PLEKHA8: variants seen among roughly 807,000 people sequenced by gnomAD.
PLEKHA8 encodes pleckstrin homology domain-containing family A member 8.
Under a neutral mutation model 68.2 loss-of-function variants are expected in PLEKHA8, and 36 were observed. The ratio of observed to expected loss-of-function variants is 0.53; its 90% confidence interval spans 0.40 to 0.70. The LOEUF (loss-of-function observed/expected upper bound fraction) is 0.70. Among genes scored for constraint, PLEKHA8 ranks in the 30% least tolerant of loss-of-function variants. The pLI, the probability that PLEKHA8 is intolerant of heterozygous loss-of-function variation, is 0.00. For synonymous variants in PLEKHA8, 211 were observed against 216.1 expected, an observed-to-expected ratio of 0.98 and a Z score of 0.20; for missense variants, 505 against 615.4, an observed-to-expected ratio of 0.82 and a Z score of 1.90.
rs1229952492 is a variant in PLEKHA8 at position 30,046,276 on chromosome 7, C to T, written c.224C>T (p.Ala75Val). ...IPGEQYFYLKARSVAERQRWL... is the reference protein window; with the variant it reads ...IPGEQYFYLKVRSVAERQRWL... ...GGGGAACAGTATTTCTACCTGAAGGCCAGAAGTGTGGCTGAAAGACAGCGG... is the reference window on the plus strand; with the variant it reads ...GGGGAACAGTATTTCTACCTGAAGGTCAGAAGTGTGGCTGAAAGACAGCGG... Residue 75 changes from alanine to valine, a missense_variant, in exon 3 of 14, where the codon GCC (alanine) becomes GTC (valine). Coordinates refer to ENST00000449726, the MANE Select transcript of PLEKHA8 (RefSeq NM_001197026.2). 1 of 1,613,926 alleles carries T rather than the reference C, an allele frequency of 6.2e-7. No individual in the cohort carries two copies. The highest frequency in any genetic ancestry group is 2.2e-5 in the East Asian group (1 of 44,874).
At chr7:30,116,130 A>G (rs544316848) in intron 13 of PLEKHA8, 3 of 151,158 alleles carry the variant, frequency 2.0e-5, no homozygotes, top group Non-Finnish European at 3.0e-5. Flanking sequence ...ACATGTGTAT[A>G]CATATGTATA....
intron 1 of PLEKHA8, among the ~76,000 whole-genome samples, chr7:30,040,665 A>G (rs1273363432): frequency 1.3e-5 from 2 of 152,248 alleles, no homozygotes; most frequent in Non-Finnish European, 2.9e-5. Flanking sequence ...CTGGATTGCC[A>G]AAAATAAATG....
rs141503447 is a variant in PLEKHA8, at chr7:30,082,305, A to C, written c.*3518A>C. ...ACTGAAAATTGCCAGCAGTACCGCCATCAGCACACCAAATCTACCCCCACT... is the reference window on the plus strand; with the variant it reads ...ACTGAAAATTGCCAGCAGTACCGCCCTCAGCACACCAAATCTACCCCCACT... On this transcript the variant is annotated 3_prime_UTR_variant, in exon 14 of 14. Transcript: ENST00000449726. The C allele has an allele frequency of 8.9e-3, 8,779 of 985,578 alleles. 50 individuals carry two copies. Among genetic ancestry groups the C allele is most frequent in the Middle Eastern group, 0.025 (47 of 1,916 alleles). The allele number at this position is 985,578 out of a possible 1,614,324, so 61.1% of individuals were successfully genotyped here. A position where few individuals can be genotyped will look rare whatever the true frequency, so the allele number is the denominator to read the frequency against.
Position 30,080,614 on chromosome 7 carries a change from G to A in PLEKHA8, c.*1827G>A. ...TATTTTGCCCACATAAAGACTTCTG[G>A]AAAATACTTAAACTTGAAAAATCAA... On this transcript the variant is annotated 3_prime_UTR_variant, in exon 14 of 14. Coordinates refer to ENST00000449726, the MANE Select transcript of PLEKHA8 (RefSeq NM_001197026.2). The A allele has an allele frequency of 1.0e-6, 1 of 985,260 alleles. No individual in the cohort carries two copies. Among genetic ancestry groups the A allele is most frequent in the Non-Finnish European group, 1.2e-6 (1 of 829,874 alleles). 61.0% of individuals were successfully genotyped at this position (985,260 alleles called of 1,614,324 possible).
At chr7:30,030,518 AAAGT>A (rs1221477468) in intron 1 of PLEKHA8, among the ~76,000 whole-genome samples, 1 of 152,092 alleles carries the variant, frequency 6.6e-6, no homozygotes, top group African/African-American at 2.4e-5. Flanking sequence ...TTTTCTTCCC[AAAGT>A]AAGAGAAGTT....
At chr7:30,092,000 G>A (rs1482451718), downstream of PLEKHA8, among the ~76,000 whole-genome samples, 2 of 152,152 alleles carry the variant, frequency 1.3e-5, no homozygotes, top group Non-Finnish European at 2.9e-5. Flanking sequence ...ATAGAAGCCC[G>A]TGGAAGCCCT....
chr7:30,118,799 G>T (rs1371238910), intron 13 of PLEKHA8, among the ~76,000 whole-genome samples: 3 of 151,752 alleles, frequency 2.0e-5, no homozygotes, highest in Non-Finnish European at 2.9e-5. Flanking sequence ...GGATGATCTC[G>T]ATCTCCAGAC....
At chr7:30,069,568 T>C (rs985089484) in intron 12 of PLEKHA8, 4 of 152,260 alleles carry the variant, frequency 2.6e-5, no homozygotes, top group Admixed American at 2.0e-4. Flanking sequence ...ATAGCAAGTT[T>C]CTGAGTTACT....
chr7:30,097,385 T>C (rs1795661117), intron 13 of PLEKHA8, among the ~76,000 whole-genome samples: 1 of 152,230 alleles, frequency 6.6e-6, no homozygotes, highest in East Asian at 1.9e-4. Flanking sequence ...CCTTGCTAGA[T>C]TGGGGAAGTT....
At chr7:30,122,873 A>G (rs1162310906) in intron 13 of PLEKHA8, among the ~76,000 whole-genome samples, 3 of 152,134 alleles carry the variant, frequency 2.0e-5, no homozygotes, top group Admixed American at 2.0e-4. Context: ...GAGACAAAGA[A>G]GAGGAGGGGT....
Position 30,113,726 on chromosome 7 carries a change from C to T in PLEKHA8, c.1363-15540C>T, listed in dbSNP as rs895339015. Among the ~76,000 whole-genome samples, 3 of 152,114 alleles carry T rather than the reference C, an allele frequency of 2.0e-5. No individual in the cohort carries two copies. The South Asian group carries it at 6.2e-4, about 32-fold the overall frequency. ...TTGGACTATCTCATTCCTTAGGCCT[C>T]ATAACCTCCTTTTAACATTTTCCAT... On this transcript the variant is annotated intron_variant, in intron 13 of 13. Transcript: ENST00000396257.
At chr7:30,099,514 C>T (rs1191589332) in intron 13 of PLEKHA8, among the ~76,000 whole-genome samples, 1 of 152,208 alleles carries the variant, frequency 6.6e-6, no homozygotes, top group African/African-American at 2.4e-5. Context: ...CAGTGAAGTT[C>T]ATGTATAATG....
At chr7:30,107,490 G>T (rs528735756) in intron 13 of PLEKHA8, among the ~76,000 whole-genome samples, 1 of 151,868 alleles carries the variant, frequency 6.6e-6, no homozygotes, top group South Asian at 2.1e-4. Context: ...GTAGTTTATA[G>T]GTTCCTTTGT....
intron 12 of PLEKHA8, among the ~76,000 whole-genome samples, chr7:30,089,874 CAAAT>C (rs1041105624): frequency 4.6e-5 from 7 of 151,936 alleles, no homozygotes; most frequent in African/African-American, 1.7e-4. Flanking sequence ...TAATATAGAA[CAAAT>C]AAATATATTC....
chr7:30,056,536 C>T (rs1353467258), intron 9 of PLEKHA8, among the ~76,000 whole-genome samples: 2 of 148,150 alleles, frequency 1.3e-5, no homozygotes, highest in African/African-American at 4.9e-5. Context: ...TGAGACCAGC[C>T]TGGCCAACAT....
chr7:30,083,168 T>C lies in PLEKHA8; in HGVS notation c.*4381T>C. 1 of 983,464 alleles carries C rather than the reference T, an allele frequency of 1.0e-6. No homozygotes were observed. Among genetic ancestry groups the C allele is most frequent in the African/African-American group, 1.7e-5 (1 of 57,278 alleles). The allele number at this position is 983,464 out of a possible 1,614,324, so 60.9% of individuals were successfully genotyped here. On this transcript the variant is annotated 3_prime_UTR_variant, in exon 14 of 14. Coordinates refer to ENST00000449726, the MANE Select transcript of PLEKHA8 (RefSeq NM_001197026.2). ...TAGAGGGCCTGACTTCAGATACTCTTTGTGATCTTGTAAGGGCTCTACACA... is the reference window on the plus strand; with the variant it reads ...TAGAGGGCCTGACTTCAGATACTCTCTGTGATCTTGTAAGGGCTCTACACA...
At chr7:30,060,488 CTT>C (rs1793354469) in intron 9 of PLEKHA8, among the ~76,000 whole-genome samples, 1 of 152,100 alleles carries the variant, frequency 6.6e-6, no homozygotes, top group Non-Finnish European at 1.5e-5. Flanking sequence ...TTTGCAATCT[CTT>C]TTTCATACTC....
At chr7:30,123,701 T>G (rs775333863) in intron 13 of PLEKHA8, among the ~76,000 whole-genome samples, 9 of 152,168 alleles carry the variant, frequency 5.9e-5, no homozygotes, top group Admixed American at 6.5e-5. Context: ...CTTTTCAGCA[T>G]GAGAAGACAG....
At position 30,079,331 on chromosome 7, in the gene PLEKHA8, C is replaced by T. The variant is rs989050525; in HGVS notation, c.*544C>T. ...GCCTGTGTAGTAAAGATGTTCAGGG[C>T]ATTCACATGACCATGCAATTGTGGG... On this transcript the variant is annotated 3_prime_UTR_variant, in exon 14 of 14. Coordinates refer to ENST00000449726, the MANE Select transcript of PLEKHA8 (RefSeq NM_001197026.2). 2.6e-5 allele frequency: 26 copies of T among 986,318 alleles called. No individual in the cohort carries two copies. In the East Asian group the frequency reaches 2.0e-3, roughly 77 times the overall value. 61.1% of individuals were successfully genotyped at this position (986,318 alleles called of 1,614,324 possible). A position where few individuals can be genotyped will look rare whatever the true frequency, so the allele number is the denominator to read the frequency against.
Sources: allele counts gnomAD v4.1 joint callset (sites outside exome capture counted in the v4.1 genomes callset), GRCh38; gene constraint gnomAD v4.1.1; transcripts MANE v1.5; gene names NCBI Gene and HGNC (gene_info 2026-07-23, HGNC 2026-07-21).